The following HDAC9 variants were observed in gnomAD, a reference collection of about 807,000 sequenced individuals.
The protein encoded by HDAC9 is MEF-2 interacting transcription repressor (MITR) protein.
In HDAC9, 41 loss-of-function variants were observed where a neutral mutation model predicts 139.4. The ratio of observed to expected loss-of-function variants is 0.29; its 90% CI spans 0.23 to 0.38. The LOEUF (loss-of-function observed/expected upper bound fraction) is 0.38, where lower values mean the gene tolerates loss of function less well. Among genes scored for constraint, HDAC9 ranks in the 10% least tolerant of loss-of-function variants. The pLI, the probability that HDAC9 is intolerant of heterozygous loss-of-function variation, is 1.00. For missense variants in HDAC9, 1,147 were observed against 1,297.0 expected (o/e 0.88, Z 1.78); for synonymous variants, 517 against 476.2 (o/e 1.09, Z -1.12).
At chr7:18,832,484 T>A (rs537417322) in intron 19 of HDAC9, among the ~76,000 whole-genome samples, 11 of 152,324 alleles carry the variant, frequency 7.2e-5, no homozygotes, top group African/African-American at 2.6e-4. Flanking sequence ...GTATGCTTTT[T>A]AACCAGTAAA....
intron 2 of HDAC9, among the ~76,000 whole-genome samples, chr7:18,201,999 G>C (rs1052182201): frequency 6.6e-6 from 1 of 152,124 alleles, no homozygotes; most frequent in Non-Finnish European, 1.5e-5. Flanking sequence ...TCCTGACCAG[G>C]CCATTGTTCT....
intron 1 of HDAC9, among the ~76,000 whole-genome samples, chr7:18,401,781 A>G (rs1354935860): frequency 6.6e-6 from 1 of 152,222 alleles, no homozygotes; most frequent in Non-Finnish European, 1.5e-5. Context: ...TACTACTCAT[A>G]GTTCACAATC....
chr7:18,193,350 A>G (rs1218107673), intron 2 of HDAC9, among the ~76,000 whole-genome samples: 7 of 152,230 alleles, frequency 4.6e-5, no homozygotes, highest in African/African-American at 1.7e-4. Context: ...ACAAATATTT[A>G]TTGAGCTCCT....
intron 13 of HDAC9, among the ~76,000 whole-genome samples, chr7:18,733,256 ATG>A (rs1036688190): frequency 7.0e-6 from 1 of 142,862 alleles, no homozygotes; most frequent in Non-Finnish European, 1.5e-5. Flanking sequence ...TATGTATATA[ATG>A]TATATATACA....
intron 2 of HDAC9, among the ~76,000 whole-genome samples, chr7:18,564,963 A>T (rs769658246): frequency 0.027 from 50 of 1,872 alleles, no homozygotes; most frequent in Middle Eastern, 0.083. Context: ...AATGTATTTT[A>T]TTTATTTATT....
intron 1 of HDAC9, among the ~76,000 whole-genome samples, chr7:18,415,089 T>C (rs1788924768): frequency 6.6e-6 from 1 of 152,188 alleles, no homozygotes; most frequent in Non-Finnish European, 1.5e-5. Context: ...CGGCATTAAG[T>C]AGCTTGACAG....
chr7:18,365,404 T>C (rs1784102151), intron 1 of HDAC9, among the ~76,000 whole-genome samples: 1 of 152,118 alleles, frequency 6.6e-6, no homozygotes, highest in Non-Finnish European at 1.5e-5. Context: ...TAGGGAGACA[T>C]AGTAGTGTAT....
rs1027742593 is a variant in HDAC9 at position 18,841,250 on chromosome 7, A to C, written c.2684+5253A>C. ...TAAGAGATAAAATGGGACCACAAGT[A>C]AATATTTGCATTCACTCTTTTGGTA... On this transcript the variant is annotated intron_variant, in intron 21 of 25. Coordinates refer to ENST00000686413, the MANE Select transcript of HDAC9 (RefSeq NM_178425.4). Among the ~76,000 whole-genome samples the C allele has an allele frequency of 1.3e-5, 2 of 152,208 alleles. 1 individual carries two copies. Among genetic ancestry groups the C allele is most frequent in the South Asian group, 4.1e-4 (2 of 4,826 alleles).
intron 14 of HDAC9, among the ~76,000 whole-genome samples, chr7:18,749,995 C>G (rs753325877): frequency 6.6e-6 from 1 of 152,138 alleles, no homozygotes; most frequent in African/African-American, 2.4e-5. Flanking sequence ...TAAAATTTCA[C>G]AAGACAAATA....
chr7:18,224,148 C>T (rs1792893367), intron 2 of HDAC9, among the ~76,000 whole-genome samples: 1 of 152,120 alleles, frequency 6.6e-6, no homozygotes, highest in African/African-American at 2.4e-5. Context: ...TGACTGCATA[C>T]CATTTTGACA....
chr7:18,591,979 A>C (rs1483890400), intron 5 of HDAC9, among the ~76,000 whole-genome samples: 1 of 152,156 alleles, frequency 6.6e-6, no homozygotes. Context: ...TGGGCAAAGA[A>C]ATTTGTATTT....
intron 22 of HDAC9, among the ~76,000 whole-genome samples, chr7:18,909,693 A>G (rs1462002774): frequency 6.6e-6 from 1 of 151,946 alleles, no homozygotes; most frequent in Non-Finnish European, 1.5e-5. Flanking sequence ...TTGCATGGAT[A>G]TATTGCATGA....
At chr7:18,677,589 C>T (rs1415887004) in intron 12 of HDAC9, among the ~76,000 whole-genome samples, 2 of 151,884 alleles carry the variant, frequency 1.3e-5, no homozygotes, top group Admixed American at 6.6e-5. Context: ...TTGACATTCT[C>T]ATCAACAATG....
At chr7:18,628,738 A>G (rs1035846678) in intron 6 of HDAC9, among the ~76,000 whole-genome samples, 2 of 152,130 alleles carry the variant, frequency 1.3e-5, no homozygotes, top group Non-Finnish European at 2.9e-5. Flanking sequence ...TCCAGCTGAT[A>G]GTATACTGCA....
chr7:18,205,889 C>T (rs752558433), intron 2 of HDAC9, among the ~76,000 whole-genome samples: 3 of 152,024 alleles, frequency 2.0e-5, no homozygotes, highest in Non-Finnish European at 4.4e-5. Context: ...CAGGGAAAAT[C>T]GGAGCCCATA....
chr7:18,193,047 A>G (rs1396577164), intron 2 of HDAC9, among the ~76,000 whole-genome samples: 1 of 152,136 alleles, frequency 6.6e-6, no homozygotes, highest in Non-Finnish European at 1.5e-5. Context: ...TTACCTATGC[A>G]TCTTTTACAA....
upstream of HDAC9, among the ~76,000 whole-genome samples, chr7:18,493,693 A>T (rs950691981): frequency 6.6e-6 from 1 of 152,086 alleles, no homozygotes; most frequent in South Asian, 2.1e-4. Context: ...CAAATCATCA[A>T]ATTGTACACC....
At chr7:18,304,981 A>G (rs1188833015) in intron 1 of HDAC9, among the ~76,000 whole-genome samples, 1 of 150,188 alleles carries the variant, frequency 6.7e-6, no homozygotes, top group Non-Finnish European at 1.5e-5. Context: ...TTATTGGAAT[A>G]GGGTAAAAAG....
intron 23 of HDAC9, among the ~76,000 whole-genome samples, chr7:18,947,208 C>A (rs1782464885): frequency 1.3e-5 from 2 of 151,782 alleles, no homozygotes; most frequent in Admixed American, 6.6e-5. Context: ...GCATATATCT[C>A]ATTAGAGAAT....
Sources: gnomAD v4.1 joint callset for allele counts (sites outside exome capture counted in the v4.1 genomes callset) on GRCh38, gnomAD v4.1.1 for gene constraint, MANE v1.5 for transcripts, NCBI Gene and HGNC (gene_info 2026-07-23, HGNC 2026-07-21) for gene names.